Variants in ETV4 observed in about 807,000 individuals in gnomAD.
ETV4 encodes ETS translocation variant 4.
In ETV4, 42 loss-of-function variants were observed where a neutral mutation model predicts 65.9. That is an observed-to-expected ratio of 0.64 (90% CI 0.50 to 0.82). The LOEUF is 0.82. ETV4 is among the 40% of genes least tolerant of loss of function. ETV4 has a pLI of 0.00. For synonymous variants in ETV4, 238 were observed against 260.0 expected (o/e 0.92, Z 0.81); for missense variants, 583 against 630.3 (o/e 0.92, Z 0.80).
intron 8 of ETV4, chr17:43,530,525 G>A: frequency 1.0e-6 from 1 of 980,932 alleles, no homozygotes; most frequent in African/African-American, 1.6e-5. Flanking sequence ...CGGGGAAAGA[G>A]TTCGGTGTCC....
rs1970811694 is a variant in ETV4 at position 43,529,951 on chromosome 17, G to A, written c.888C>T (p.Gly296=). 6.2e-7 allele frequency: 1 copy of A among 1,614,060 alleles called. No individual in the cohort carries two copies. The highest frequency in any genetic ancestry group is 1.3e-5 in the African/African-American group (1 of 74,926). ...GTCGCAGAGGTTTCTCATAGCCATA[G>A]CCTTGTGGAGGAAATTGGGGGTTGC... ...SGPSPGDGAM[G]YGYEKPLRPF... The change falls in exon 10 of 13, where the codon GGC becomes GGT. Residue 296 remains glycine, a splice_region_variant and synonymous_variant. Coordinates refer to ENST00000319349, the MANE Select transcript of ETV4 (RefSeq NM_001079675.5).
rs142908597 is a variant in ETV4 at position 43,528,745 on chromosome 17, T to G, written c.1231-2A>C. ...GTACACGTAACGCTCACCAGCCACC[T>G]ATGGGGAGAGAGAAGGTCTGGTCAG... is the stretch of plus-strand genomic sequence containing the variant. On this transcript the variant is annotated splice_acceptor_variant, in intron 12 of 12. Coordinates refer to ENST00000319349, the MANE Select transcript of ETV4 (RefSeq NM_001079675.5). LOFTEE classifies it high-confidence loss of function. 1 of 1,613,356 alleles carries G rather than the reference T, an allele frequency of 6.2e-7. No individual in the cohort carries two copies. Among genetic ancestry groups the G allele is most frequent in the East Asian group, 2.2e-5 (1 of 44,856 alleles).
chr17:43,531,876 A>G (rs1284670722), intron 8 of ETV4, among the ~76,000 whole-genome samples: 1 of 151,978 alleles, frequency 6.6e-6, no homozygotes, highest in African/African-American at 2.4e-5. Context: ...GTATTTCCCA[A>G]CTCTGCACAC....
intron 6 of ETV4, 53 bp downstream of exon 6, chr17:43,533,802 GCCTC>G: frequency 6.3e-7 from 1 of 1,589,292 alleles, no homozygotes; most frequent in Non-Finnish European, 8.5e-7. Context: ...GGTGCCCCCT[GCCTC>G]CCTCCTCTGG....
intron 6 of ETV4, 85 bp from the exon 7 acceptor site, chr17:43,533,433 A>G: frequency 7.8e-7 from 1 of 1,283,084 alleles, no homozygotes; most frequent in East Asian, 2.4e-5. Flanking sequence ...AAGCGAGGTC[A>G]CAGGGATTAC....
intron 8 of ETV4, among the ~76,000 whole-genome samples, chr17:43,532,325 C>T (rs1970984584): frequency 6.6e-6 from 1 of 151,996 alleles, no homozygotes; most frequent in African/African-American, 2.4e-5. Context: ...ATGGCGAAAC[C>T]CCATCTCTAC....
In ETV4 at chr17:43,534,131, C is replaced by T. The variant is rs1971109145; in HGVS notation, c.257-146G>A. The T allele has an allele frequency of 3.6e-6, 3 of 823,812 alleles. No individual in the cohort carries two copies. The South Asian group carries it at 7.6e-5, about 21-fold the overall frequency. The allele number at this position is 823,812 out of a possible 1,614,324, so 51.0% of individuals were successfully genotyped here. On this transcript the variant is annotated intron_variant, in intron 5 of 12. Transcript: ENST00000319349. The stretch of plus-strand genomic sequence containing the variant: ...CTGGGTATCAATTTTCTGAGACCCG[C>T]AGTGAGACAAGAACATTTTGGCTAT...
intron 7 of ETV4, 85 bp from the exon 8 acceptor site, chr17:43,533,024 G>A (rs1971030199): frequency 6.6e-7 from 1 of 1,512,844 alleles, no homozygotes; most frequent in Non-Finnish European, 8.9e-7. Context: ...CTTTTAGAGT[G>A]GGCTCCGGAA....
chr17:43,537,235 G>A (rs1015073085), intron 4 of ETV4, among the ~76,000 whole-genome samples: 1 of 151,986 alleles, frequency 6.6e-6, no homozygotes, highest in African/African-American at 2.4e-5. Flanking sequence ...TCGTGTTGGC[G>A]GGAGCCTATA....
chr17:43,539,472 A>G (rs923265772), intron 4 of ETV4, among the ~76,000 whole-genome samples: 1 of 152,034 alleles, frequency 6.6e-6, no homozygotes, highest in Non-Finnish European at 1.5e-5. Flanking sequence ...ATATTAATTT[A>G]TGTTTACCTG....
chr17:43,545,692 C>T, intron 1 of ETV4, 24 bp from the exon 2 acceptor site: 1 of 1,312,830 alleles, frequency 7.6e-7, no homozygotes, highest in Non-Finnish European at 1.1e-6. Flanking sequence ...GGGCTGCGTT[C>T]GCACACCGTC....
In ETV4 at chr17:43,533,292, C is replaced by G. The variant is rs1279328634; in HGVS notation, c.440G>C (p.Gly147Ala). The change falls in exon 7 of 13, where the codon GGA becomes GCA. Residue 147 changes from glycine (G) to alanine (A), a missense_variant. Transcript: ENST00000319349. ...GGGAAAGGGCTGTAGGGGCGACTGT[C>G]CAAGGGCACCAGGGGCAGGGGACTT... ...AIKSPAPGAL[G>A]QSPLQPFPRA... 2 of 1,613,872 alleles carry G rather than the reference C, an allele frequency of 1.2e-6. No homozygotes were observed. Among genetic ancestry groups the G allele is most frequent in the Admixed American group, 3.3e-5 (2 of 60,006 alleles).
intron 8 of ETV4, among the ~76,000 whole-genome samples, chr17:43,530,607 C>CGTGTGTGT (rs1414343747): frequency 5.8e-5 from 8 of 138,628 alleles, no homozygotes; most frequent in African/African-American, 1.5e-4. Context: ...TGTGCACGCG[C>CGTGTGTGT]GCGTGTGTGT....
Position 43,529,162 on chromosome 17 carries a change from G to A in ETV4, c.1203C>T (p.Tyr401=). ...NYDKLSRSLR[Y]YYEKGIMQKV... ...TCTGCATGATGCCTTTCTCATAATA[G>A]TATCGGAGCGAGCGGCTCAGCTTGT... The change falls in exon 12 of 13, where the codon TAC becomes TAT. Residue 401 remains tyrosine, a synonymous_variant. Transcript: ENST00000319349. 1.2e-6 allele frequency: 2 copies of A among 1,613,906 alleles called. No individual in the cohort carries two copies. Among genetic ancestry groups the A allele is most frequent in the Non-Finnish European group, 1.7e-6 (2 of 1,180,010 alleles).
chr17:43,540,222 G>A (rs1451140173), intron 4 of ETV4, among the ~76,000 whole-genome samples: 1 of 152,160 alleles, frequency 6.6e-6, no homozygotes, highest in East Asian at 1.9e-4. Context: ...GGAGGCTGAG[G>A]CAGGCAGACG....
chr17:43,530,172 C>G lies in ETV4; in HGVS notation c.821G>C (p.Gly274Ala). 1 of 1,555,614 alleles carries G rather than the reference C, an allele frequency of 6.4e-7. No homozygotes were observed. The highest frequency in any genetic ancestry group is 8.7e-7 in the Non-Finnish European group (1 of 1,148,958). Residue 274 changes from glycine (G) to alanine (A), a missense_variant, in exon 9 of 13, where the codon GGG becomes GCG. Gly to Ala is a moderately conservative substitution (Grantham distance 60). Coordinates refer to ENST00000319349, the MANE Select transcript of ETV4 (RefSeq NM_001079675.5). ...TDFAYDSDVT[G>A]CASMYLHTEG... Reference sequence around the variant, plus strand: ...TGTGTGGAGGTACATTGATGCGCACCCGGTGACATCTGTGGGGGAAGAAGG... The same window carrying G: ...TGTGTGGAGGTACATTGATGCGCACGCGGTGACATCTGTGGGGGAAGAAGG...
intron 3 of ETV4, 62 bp from the exon 4 acceptor site, chr17:43,545,084 T>C: frequency 7.6e-7 from 1 of 1,314,250 alleles, no homozygotes; most frequent in South Asian, 1.2e-5. Context: ...GAAGGGGCCC[T>C]AGCAAGACCC....
intron 4 of ETV4, among the ~76,000 whole-genome samples, chr17:43,538,655 C>T (rs1598211185): frequency 6.6e-6 from 1 of 152,154 alleles, no homozygotes; most frequent in Non-Finnish European, 1.5e-5. Context: ...TCCCTTGATC[C>T]CAGAGTCTTG....
At chr17:43,535,788 T>C (rs1214742929) in intron 5 of ETV4, among the ~76,000 whole-genome samples, 1 of 152,146 alleles carries the variant, frequency 6.6e-6, no homozygotes, top group African/African-American at 2.4e-5. Context: ...GGAGGCAAAA[T>C]TGTCCCCAGT....
Sources: allele counts gnomAD v4.1 joint callset (sites outside exome capture counted in the v4.1 genomes callset), GRCh38; gene constraint gnomAD v4.1.1; transcripts MANE v1.5; gene names NCBI Gene and HGNC (gene_info 2026-07-23, HGNC 2026-07-21).